PAPPA2: variants seen among roughly 807,000 people sequenced by gnomAD.
PAPPA2 encodes pappalysin-2.
Under a neutral mutation model 176.4 loss-of-function variants are expected in PAPPA2, and 86 were observed. The ratio of observed to expected loss-of-function variants is 0.49; its 90% confidence interval spans 0.41 to 0.58. The LOEUF (loss-of-function observed/expected upper bound fraction) is 0.58. Among genes scored for constraint, PAPPA2 ranks in the 20% least tolerant of loss-of-function variants. PAPPA2 has a pLI of 0.00. For missense variants in PAPPA2, 2,073 were observed against 2,256.9 expected, an observed-to-expected ratio of 0.92 and a Z score of 1.65; for synonymous variants, 809 against 852.2, an observed-to-expected ratio of 0.95 and a Z score of 0.88.
chr1:176,476,989 G>A (rs146624682), intron 1 of PAPPA2, among the ~76,000 whole-genome samples: 37 of 152,254 alleles, frequency 2.4e-4, no homozygotes, highest in African/African-American at 8.9e-4. Context: ...TGGTTTTACA[G>A]GAACTTTTAC....
intron 3 of PAPPA2, among the ~76,000 whole-genome samples, chr1:176,602,167 G>A (rs1043254922): frequency 6.6e-5 from 10 of 152,136 alleles, no homozygotes; most frequent in African/African-American, 2.2e-4. Context: ...GCTAATTTCT[G>A]AAGCCTGTGA....
chr1:176,651,455 T>C (rs185683337), intron 3 of PAPPA2, among the ~76,000 whole-genome samples: 1 of 151,764 alleles, frequency 6.6e-6, no homozygotes, highest in Admixed American at 6.6e-5. Flanking sequence ...GTCCCACTCC[T>C]TCCTGATCTG....
Position 176,699,104 on chromosome 1 carries a change from T to G in PAPPA2, c.2751T>G (p.Pro917=). The G allele has an allele frequency of 1.2e-6, 2 of 1,610,290 alleles. No homozygotes were observed. The highest frequency in any genetic ancestry group is 2.2e-5 in the South Asian group (2 of 90,850). The change falls in exon 8 of 23, where the codon CCT becomes CCG. Residue 917 remains proline (P), a synonymous_variant. Transcript: ENST00000367662. ...TTTCTGCTAATCTCCCCCCAGGGCC[T>G]CCTGATGTGGATCAGCCCTGCGAGC... ...GYWTPEEAVG[P]PDVDQPCEPS... is the part of the protein sequence containing the mutation.
intron 3 of PAPPA2, among the ~76,000 whole-genome samples, chr1:176,625,053 T>G (rs1181306564): frequency 6.6e-6 from 1 of 152,192 alleles, no homozygotes; most frequent in Non-Finnish European, 1.5e-5. Context: ...AAAGGACTGT[T>G]GTCTGTAGGC....
chr1:176,535,296 C>A (rs1221678846), intron 1 of PAPPA2, among the ~76,000 whole-genome samples: 4 of 152,044 alleles, frequency 2.6e-5, no homozygotes, highest in African/African-American at 4.8e-5. Context: ...GGTTGTAGAG[C>A]AAAAAGAGAG....
chr1:176,588,918 C>T (rs1300290314), intron 2 of PAPPA2, among the ~76,000 whole-genome samples: 1 of 152,152 alleles, frequency 6.6e-6, no homozygotes, highest in Non-Finnish European at 1.5e-5. Context: ...TGTGTCTGCC[C>T]AAGGTGGTCT....
intron 15 of PAPPA2, among the ~76,000 whole-genome samples, chr1:176,766,716 T>A (rs1663984628): frequency 6.6e-6 from 1 of 152,070 alleles, no homozygotes; most frequent in African/African-American, 2.4e-5. Flanking sequence ...CTTTAGAGAG[T>A]CTTCAATTCC....
chr1:176,676,746 A>G (rs1006387230), intron 4 of PAPPA2, among the ~76,000 whole-genome samples: 4 of 152,120 alleles, frequency 2.6e-5, no homozygotes, highest in Non-Finnish European at 4.4e-5. Flanking sequence ...ACACACACAC[A>G]CACACACAAC....
intron 12 of PAPPA2, among the ~76,000 whole-genome samples, chr1:176,731,745 A>G (rs1227968241): frequency 6.6e-6 from 1 of 151,960 alleles, no homozygotes; most frequent in Non-Finnish European, 1.5e-5. Context: ...ATACATGCGT[A>G]CATATATATA....
chr1:176,628,184 A>G (rs1656136589), intron 3 of PAPPA2, among the ~76,000 whole-genome samples: 1 of 151,484 alleles, frequency 6.6e-6, no homozygotes, highest in Non-Finnish European at 1.5e-5. Flanking sequence ...GGATTTTGCC[A>G]AGGGAGTACA....
intron 1 of PAPPA2, among the ~76,000 whole-genome samples, chr1:176,475,645 A>C (rs1652082057): frequency 6.6e-6 from 1 of 152,258 alleles, no homozygotes; most frequent in African/African-American, 2.4e-5. Flanking sequence ...AGACAGGTTA[A>C]ATAATTGAAA....
intron 3 of PAPPA2, among the ~76,000 whole-genome samples, chr1:176,663,073 T>C (rs777066047): frequency 6.6e-6 from 1 of 152,174 alleles, no homozygotes; most frequent in South Asian, 2.1e-4. Context: ...ATCATCTCAC[T>C]TGAAGTTGGG....
intron 4 of PAPPA2, among the ~76,000 whole-genome samples, chr1:176,684,346 C>T (rs1475635682): frequency 2.0e-5 from 3 of 152,092 alleles, no homozygotes; most frequent in African/African-American, 4.8e-5. Flanking sequence ...ATCAGTCCGT[C>T]GACAGCCTTG....
intron 17 of PAPPA2, among the ~76,000 whole-genome samples, chr1:176,787,846 AG>A (rs1054828430): frequency 1.3e-5 from 2 of 152,012 alleles, no homozygotes; most frequent in Non-Finnish European, 2.9e-5. Flanking sequence ...GGATCACCTG[AG>A]GTTGGGAGTT....
Position 176,472,519 on chromosome 1 carries a change from A to G in PAPPA2, c.-917+9101A>G, listed in dbSNP as rs147682569. Among the ~76,000 whole-genome samples, 90 of 152,238 alleles carry G rather than the reference A, an allele frequency of 5.9e-4. 5 individuals are homozygous for G. Among genetic ancestry groups the G allele is most frequent in the African/African-American group, 2.0e-3 (84 of 41,530 alleles). On this transcript the variant is annotated intron_variant, in intron 1 of 22. Coordinates refer to ENST00000367662, the MANE Select transcript of PAPPA2 (RefSeq NM_020318.3). ...TTCTGCCCCAAACATGGAATCTGCC[A>G]TTTCTTCAAGAATCCCTGGTTTCTT...
intron 1 of PAPPA2, among the ~76,000 whole-genome samples, chr1:176,543,183 G>C (rs576172912): frequency 6.6e-6 from 1 of 152,298 alleles, no homozygotes. Flanking sequence ...CTATACAGAA[G>C]TGCAGTTATG....
At chr1:176,521,300 A>G (rs1649204416) in intron 1 of PAPPA2, among the ~76,000 whole-genome samples, 1 of 152,176 alleles carries the variant, frequency 6.6e-6, no homozygotes, top group African/African-American at 2.4e-5. Context: ...CTTCAGAAAT[A>G]TACAGCTTCT....
At chr1:176,506,066 C>T (rs889529498) in intron 1 of PAPPA2, among the ~76,000 whole-genome samples, 2 of 152,082 alleles carry the variant, frequency 1.3e-5, no homozygotes, top group Non-Finnish European at 2.9e-5. Flanking sequence ...CTGTGTGTGG[C>T]TAGCCAGTTA....
In PAPPA2 at chr1:176,678,851, G is replaced by C. The variant is rs185009586; in HGVS notation, c.2137+7736G>C. ...AAAAGGAGGAGAAAAGTATATAAAT[G>C]TGTGTATGTTAAAAATGTAAAATAA... On this transcript the variant is annotated intron_variant, in intron 4 of 22. Coordinates refer to ENST00000367662, the MANE Select transcript of PAPPA2 (RefSeq NM_020318.3). 3.5e-3 allele frequency among the ~76,000 whole-genome samples: 533 copies of C among 152,082 alleles called. 2 individuals are homozygous for C. The highest frequency in any genetic ancestry group is 6.0e-3 in the Non-Finnish European group (409 of 67,978).
Sources: allele counts gnomAD v4.1 joint callset (sites outside exome capture counted in the v4.1 genomes callset), GRCh38; gene constraint gnomAD v4.1.1; transcripts MANE v1.5; gene names NCBI Gene and HGNC (gene_info 2026-07-23, HGNC 2026-07-21).